The following PCID2 variants were observed in gnomAD, a reference collection of about 807,000 sequenced individuals.
PCID2 encodes PCI domain-containing protein 2.
Under a neutral mutation model 61.3 loss-of-function variants are expected in PCID2, and 41 were observed. The observed-to-expected ratio is 0.67, with a 90% CI of 0.52 to 0.87. PCID2 has a LOEUF of 0.87. Among genes scored for constraint, PCID2 ranks in the 40% least tolerant of loss-of-function variants. PCID2 has a pLI of 0.00. For missense variants in PCID2, 392 were observed against 493.4 expected (o/e 0.79, Z 1.95); for synonymous variants, 187 against 177.8 (o/e 1.05, Z -0.41).
chr13:113,177,243 T>C (rs1020810366), downstream of PCID2, among the ~76,000 whole-genome samples: 3 of 152,228 alleles, frequency 2.0e-5, no homozygotes, highest in African/African-American at 7.2e-5. Context: ...GTTCAAGCGA[T>C]TCTCCTGCCT....
In PCID2 at chr13:113,179,435, C is replaced by G. The variant is rs952167100; in HGVS notation, c.987-346G>C. On this transcript the variant is annotated intron_variant, in intron 12 of 13. Transcript: ENST00000337344. This position sits in a 1 kb window ranked among gnomAD's most constrained non-coding sequence, Gnocchi z 4.3. ...GTCCCTACTGTTTGTGACGTGCTACCCACAGCTCTATACAAAGTTGGCCTT... is the reference window on the plus strand; with the variant it reads ...GTCCCTACTGTTTGTGACGTGCTACGCACAGCTCTATACAAAGTTGGCCTT... Among the ~76,000 whole-genome samples the G allele has an allele frequency of 6.6e-6, 1 of 152,074 alleles. No homozygotes were observed. Among genetic ancestry groups the G allele is most frequent in the Admixed American group, 6.6e-5 (1 of 15,266 alleles).
At chr13:113,187,021 G>A (rs2038175870) in intron 7 of PCID2, 1 of 152,178 alleles carries the variant, frequency 6.6e-6, no homozygotes, top group African/African-American at 2.4e-5. Flanking sequence ...ATAACTGCCT[G>A]TGAGCTGCTC....
intron 1 of PCID2, among the ~76,000 whole-genome samples, chr13:113,205,127 C>T (rs2039713609): frequency 6.6e-6 from 1 of 152,220 alleles, no homozygotes; most frequent in African/African-American, 2.4e-5. Flanking sequence ...AATAGTCAAA[C>T]TTTCCAATTC....
At chr13:113,170,084 G>A in the PCID2 span, among the ~76,000 whole-genome samples, 130 of 152,310 alleles carry the variant, frequency 8.5e-4, no homozygotes, top group African/African-American at 2.8e-3. Context: ...TGGGGATTAC[G>A]ATTCCTGAAA....
chr13:113,168,012 G>A, the PCID2 span, among the ~76,000 whole-genome samples: 3 of 152,066 alleles, frequency 2.0e-5, no homozygotes, highest in African/African-American at 7.2e-5. Flanking sequence ...TTTCGCCGAC[G>A]CCACATCCGC....
downstream of PCID2, among the ~76,000 whole-genome samples, chr13:113,174,888 G>A (rs560713101): frequency 2.6e-5 from 4 of 152,196 alleles, no homozygotes; most frequent in African/African-American, 7.2e-5. Flanking sequence ...CCATGTGTAC[G>A]CCCGTGGACT....
intron 7 of PCID2, chr13:113,186,198 G>C (rs1298775666): frequency 6.6e-6 from 1 of 150,402 alleles, no homozygotes; most frequent in East Asian, 1.9e-4. Flanking sequence ...ACCCACAGTG[G>C]AACAAATCCA....
the PCID2 span, among the ~76,000 whole-genome samples, chr13:113,166,607 G>T: frequency 7.2e-5 from 11 of 152,220 alleles, no homozygotes; most frequent in Non-Finnish European, 1.0e-4. Flanking sequence ...CCGAAGGGAG[G>T]CAAAGCAGAC....
chr13:113,191,153 C>T (rs895977425), intron 6 of PCID2, among the ~76,000 whole-genome samples, 178 bp from the exon 7 acceptor site: 2 of 152,028 alleles, frequency 1.3e-5, no homozygotes, highest in South Asian at 2.1e-4. Context: ...TACTACCATG[C>T]CTGGCTAGTT....
intron 1 of PCID2, among the ~76,000 whole-genome samples, chr13:113,201,542 T>A (rs1258236242): frequency 6.6e-6 from 1 of 152,098 alleles, no homozygotes; most frequent in Non-Finnish European, 1.5e-5. Context: ...CCGGTCACGG[T>A]GGCTCACGCC....
At chr13:113,195,479 C>T (rs1214969229) in intron 5 of PCID2, among the ~76,000 whole-genome samples, 23 of 152,208 alleles carry the variant, frequency 1.5e-4, no homozygotes, top group Admixed American at 1.5e-3. Context: ...GATTTCCTAA[C>T]AGGAACCAGA....
At chr13:113,196,629 C>G (rs1033525796) in intron 4 of PCID2, among the ~76,000 whole-genome samples, 2 of 152,244 alleles carry the variant, frequency 1.3e-5, no homozygotes, top group African/African-American at 4.8e-5. Flanking sequence ...AATAGCCCAA[C>G]TCTCTTCTGT....
chr13:113,177,191 G>A (rs865914619), downstream of PCID2, among the ~76,000 whole-genome samples: 1 of 152,192 alleles, frequency 6.6e-6, no homozygotes, highest in Non-Finnish European at 1.5e-5. Flanking sequence ...AGGCTGGAGT[G>A]CAATGGCATG....
chr13:113,169,708 G>A, the PCID2 span, among the ~76,000 whole-genome samples: 1 of 152,212 alleles, frequency 6.6e-6, no homozygotes, highest in South Asian at 2.1e-4. Flanking sequence ...ACTGAGTCAG[G>A]GATGTTTTAA....
chr13:113,178,637 T>C (rs1020765041), intron 13 of PCID2, among the ~76,000 whole-genome samples: 4 of 152,130 alleles, frequency 2.6e-5, no homozygotes, highest in Non-Finnish European at 5.9e-5. Context: ...TAATTTAAAG[T>C]ATACAGGAGG....
At chr13:113,198,684 G>A in intron 2 of PCID2, among the ~76,000 whole-genome samples, 1 of 152,098 alleles carries the variant, frequency 6.6e-6, no homozygotes, top group East Asian at 1.9e-4. Context: ...CAGCCTGGGT[G>A]ACAGAGGGAG....
chr13:113,195,492 A>G (rs922472555), intron 5 of PCID2, among the ~76,000 whole-genome samples: 1 of 152,200 alleles, frequency 6.6e-6, no homozygotes, highest in African/African-American at 2.4e-5. Flanking sequence ...GAACCAGAAT[A>G]TGTAATACAC....
chr13:113,191,865 C>T (rs1197608896), intron 6 of PCID2, among the ~76,000 whole-genome samples: 2 of 152,210 alleles, frequency 1.3e-5, no homozygotes, highest in Admixed American at 1.3e-4. Context: ...CTCCCACCGG[C>T]ACCAAACTAC....
chr13:113,206,879 C>T (rs1457931209), intron 1 of PCID2, among the ~76,000 whole-genome samples: 7 of 152,210 alleles, frequency 4.6e-5, no homozygotes, highest in Non-Finnish European at 1.0e-4. Context: ...CTACTTGTTC[C>T]CTGGGTCACC....
Sources: allele counts gnomAD v4.1 joint callset (sites outside exome capture counted in the v4.1 genomes callset), GRCh38; gene constraint gnomAD v4.1.1; non-coding constraint Gnocchi (gnomAD v3.1); transcripts MANE v1.5; gene names NCBI Gene and HGNC (gene_info 2026-07-23, HGNC 2026-07-21).